The following PHACTR2 variants were observed in gnomAD, a reference collection of about 807,000 sequenced individuals.
PHACTR2 encodes phosphatase and actin regulator 2.
Under a neutral mutation model 76.0 loss-of-function variants are expected in PHACTR2, and 30 were observed. The ratio of observed to expected loss-of-function variants is 0.39; its 90% CI spans 0.30 to 0.54. PHACTR2 has a LOEUF of 0.54. Ranked by LOEUF, PHACTR2 falls within the 20% of genes least tolerant of loss-of-function variation. PHACTR2 has a pLI of 0.61. For missense variants in PHACTR2, 696 were observed against 781.1 expected, an observed-to-expected ratio of 0.89 and a Z score of 1.30; for synonymous variants, 292 against 292.5, an observed-to-expected ratio of 1.00 and a Z score of 0.02.
At chr6:143,729,068 G>T (rs1414039308) in intron 2 of PHACTR2, among the ~76,000 whole-genome samples, 2 of 152,116 alleles carry the variant, frequency 1.3e-5, no homozygotes, top group African/African-American at 4.8e-5. Flanking sequence ...TGTGGAATGG[G>T]AGAAAATATT....
In PHACTR2 at chr6:143,623,102, A is replaced by G. The variant is rs141625941; in HGVS notation, c.13+14780A>G. Among the ~76,000 whole-genome samples the G allele has an allele frequency of 5.3e-5, 8 of 152,298 alleles. No homozygotes were observed. The highest frequency in any genetic ancestry group is 1.9e-4 in the African/African-American group (8 of 41,566). On this transcript the variant is annotated intron_variant, in intron 1 of 11. Coordinates refer to the PHACTR2 transcript ENST00000305766. This position sits in a 1 kb window ranked among gnomAD's most constrained non-coding sequence, Gnocchi z 5.9. ...GAGTTTGAATAAAATGTTTTCAGGAAATGTGAGAGTGGAAAAAAGCAATTT... is the reference window on the plus strand; with the variant it reads ...GAGTTTGAATAAAATGTTTTCAGGAGATGTGAGAGTGGAAAAAAGCAATTT...
Position 143,608,283 on chromosome 6 carries a change from C to G in PHACTR2, c.-27C>G. 2 of 1,613,880 alleles carry G rather than the reference C, an allele frequency of 1.2e-6. No homozygotes were observed. The highest frequency in any genetic ancestry group is 4.5e-5 in the East Asian group (2 of 44,876). ...CCAGGGCTTCCCGGCTGCCAGGCTA[C>G]AGAACTCGCCTCGCCACTCCTGAGA... On this transcript the variant is annotated 5_prime_UTR_variant, in exon 1 of 12. Coordinates refer to the PHACTR2 transcript ENST00000305766. The surrounding 1 kb of genome is among the most constrained non-coding windows in gnomAD (Gnocchi z 4.6).
In PHACTR2 at chr6:143,639,870, G is replaced by C. The variant is rs1012032055; in HGVS notation, c.13+31548G>C. 6.6e-6 allele frequency among the ~76,000 whole-genome samples: 1 copy of C among 152,190 alleles called. No individual in the cohort carries two copies. The highest frequency in any genetic ancestry group is 2.4e-5 in the African/African-American group (1 of 41,458). ...TCACTGTAGTGCAATGAAATTAGAA[G>C]TCAACATAACTACTCTAAAGATAAT... is the stretch of plus-strand genomic sequence containing the variant. On this transcript the variant is annotated intron_variant, in intron 1 of 11. Transcript: ENST00000305766. The surrounding 1 kb of genome is among the most constrained non-coding windows in gnomAD (Gnocchi z 5.0).
chr6:143,724,326 G>T (rs1298706826), intron 2 of PHACTR2, among the ~76,000 whole-genome samples: 2 of 152,012 alleles, frequency 1.3e-5, no homozygotes, highest in Non-Finnish European at 2.9e-5. Flanking sequence ...TAGAGACGGG[G>T]TTTCACTGTG....
chr6:143,577,535 G>A (rs35826562), intron 1 of PHACTR2, among the ~76,000 whole-genome samples: 93,127 of 151,274 alleles, frequency 0.62, 28,937 homozygotes, highest in Middle Eastern at 0.75. Flanking sequence ...ATGAGCAGAG[G>A]CATTGAGATG....
In PHACTR2 at chr6:143,539,175, G is replaced by C. The variant is rs924061087; in HGVS notation, c.217+1968G>C. On this transcript the variant is annotated intron_variant, in intron 1 of 11. Coordinates refer to the PHACTR2 transcript ENST00000367584. This position sits in a 1 kb window ranked among gnomAD's most constrained non-coding sequence, Gnocchi z 4.3. ...AAAGTGTACATCATGTGAACCATGGGCTCCAATTTATAAAATTATTTTACT... is the reference window on the plus strand; with the variant it reads ...AAAGTGTACATCATGTGAACCATGGCCTCCAATTTATAAAATTATTTTACT... Among the ~76,000 whole-genome samples, 4 of 152,190 alleles carry C rather than the reference G, an allele frequency of 2.6e-5. No individual in the cohort carries two copies. The highest frequency in any genetic ancestry group is 9.7e-5 in the African/African-American group (4 of 41,436).
chr6:143,622,059 C>A (rs972662429), intron 1 of PHACTR2, among the ~76,000 whole-genome samples: 1 of 152,164 alleles, frequency 6.6e-6, no homozygotes, highest in Non-Finnish European at 1.5e-5. Flanking sequence ...AGGCCTTGGG[C>A]AGTGTATGAT....
At chr6:143,690,772 G>A (rs764280215) in intron 1 of PHACTR2, among the ~76,000 whole-genome samples, 3 of 152,138 alleles carry the variant, frequency 2.0e-5, no homozygotes, top group Admixed American at 6.5e-5. Flanking sequence ...TTTTATGGAC[G>A]TTTAAAAGTT....
chr6:143,660,015 T>G (rs1023020348), intron 1 of PHACTR2, among the ~76,000 whole-genome samples: 3 of 152,176 alleles, frequency 2.0e-5, no homozygotes, highest in African/African-American at 7.2e-5. Flanking sequence ...ATGGTAATAT[T>G]CAGATCTGGT....
intron 1 of PHACTR2, among the ~76,000 whole-genome samples, chr6:143,638,484 G>A (rs955117963): frequency 6.6e-6 from 1 of 151,390 alleles, no homozygotes; most frequent in African/African-American, 2.4e-5. Flanking sequence ...GTTCAAGGCT[G>A]CAGTGACTAT....
intron 1 of PHACTR2, among the ~76,000 whole-genome samples, chr6:143,565,321 A>G (rs904404015): frequency 5.9e-5 from 9 of 152,218 alleles, no homozygotes; most frequent in African/African-American, 1.7e-4. Flanking sequence ...GCAGCAAGGG[A>G]AATTCAAGAG....
chr6:143,607,089 A>C (rs1163905014), upstream of PHACTR2, among the ~76,000 whole-genome samples: 1 of 152,252 alleles, frequency 6.6e-6, no homozygotes, highest in Non-Finnish European at 1.5e-5. Flanking sequence ...GTCACTAGGA[A>C]TTCCAATGGC....
At chr6:143,741,580 C>T (rs1778944347) in intron 2 of PHACTR2, among the ~76,000 whole-genome samples, 1 of 152,140 alleles carries the variant, frequency 6.6e-6, no homozygotes, top group South Asian at 2.1e-4. Context: ...GGAAAATGTT[C>T]TCCAAGCACA....
At chr6:143,622,587 C>T (rs1232260473) in intron 1 of PHACTR2, among the ~76,000 whole-genome samples, 1 of 152,124 alleles carries the variant, frequency 6.6e-6, no homozygotes, top group Non-Finnish European at 1.5e-5. Context: ...GTATATAGAC[C>T]ATCTCATTAC....
Position 143,795,112 on chromosome 6 carries a change from C to T in PHACTR2, c.1845+6202C>T, listed in dbSNP as rs1049784582. On this transcript the variant is annotated intron_variant, in intron 11 of 12. Transcript: ENST00000440869. The surrounding 1 kb of genome is among the most constrained non-coding windows in gnomAD (Gnocchi z 4.8). The stretch of plus-strand genomic sequence containing the variant: ...GTGAACTTGATTGAGCTTTATTCAC[C>T]TTTAAAATAAAATTTTCAGGTCGGG... Among the ~76,000 whole-genome samples, 1 of 152,066 alleles carries T rather than the reference C, an allele frequency of 6.6e-6. No homozygotes were observed. The highest frequency in any genetic ancestry group is 1.5e-5 in the Non-Finnish European group (1 of 68,026).
Position 143,828,875 on chromosome 6 carries a change from C to G in PHACTR2, c.*5186C>G, listed in dbSNP as rs562046649. The G allele has an allele frequency of 6.6e-6, 1 of 152,314 alleles. No homozygotes were observed. The highest frequency in any genetic ancestry group is 1.5e-5 in the Non-Finnish European group (1 of 68,038). The allele number at this position is 152,314 out of a possible 1,614,324, so 9.4% of individuals were successfully genotyped here. A position where few individuals can be genotyped will look rare whatever the true frequency, so the allele number is the denominator to read the frequency against. On this transcript the variant is annotated 3_prime_UTR_variant, in exon 13 of 13. Coordinates refer to ENST00000440869, the MANE Select transcript of PHACTR2 (RefSeq NM_001100164.2). The surrounding 1 kb of genome is among the most constrained non-coding windows in gnomAD (Gnocchi z 4.7). ...AACACCAAGAATAAAAAGCATTCCC[C>G]CAGGTTCAAATGCCCTCCCTGGGAG...
At chr6:143,786,822 CCT>C (rs1775566465) in intron 10 of PHACTR2, among the ~76,000 whole-genome samples, 1 of 152,184 alleles carries the variant, frequency 6.6e-6, no homozygotes, top group East Asian at 1.9e-4. Flanking sequence ...GATTCAATTA[CCT>C]CCCCCTGGGT....
chr6:143,736,247 A>G (rs868605743), intron 2 of PHACTR2, among the ~76,000 whole-genome samples: 4 of 152,174 alleles, frequency 2.6e-5, no homozygotes, highest in African/African-American at 7.2e-5. Context: ...TTACCCTATG[A>G]TGCAGGTTAC....
At chr6:143,702,021 T>C (rs1777925577) in intron 1 of PHACTR2, among the ~76,000 whole-genome samples, 1 of 151,860 alleles carries the variant, frequency 6.6e-6, no homozygotes, top group Non-Finnish European at 1.5e-5. Context: ...GGAACTAGGC[T>C]CCAACTCTCT....
Sources: allele counts gnomAD v4.1 joint callset (sites outside exome capture counted in the v4.1 genomes callset), GRCh38; gene constraint gnomAD v4.1.1; non-coding constraint Gnocchi (gnomAD v3.1); transcripts MANE v1.5; gene names NCBI Gene and HGNC (gene_info 2026-07-23, HGNC 2026-07-21).